The following RGPD8 variants were observed in gnomAD, a reference collection of about 807,000 sequenced individuals.
The protein encoded by RGPD8 is RANBP2 like and GRIP domain containing 8, also known as RANBP2-like and GRIP domain-containing protein 8.
RGPD8 carries 15 observed loss-of-function variants against 89.1 expected under a neutral mutation model. That is an observed-to-expected ratio of 0.17 (90% CI 0.11 to 0.26). The LOEUF is 0.26. Ranked by LOEUF, RGPD8 falls within the 10% of genes least tolerant of loss-of-function variation. RGPD8 has a pLI of 1.00. For missense variants in RGPD8, 178 were observed against 1,179.6 expected (o/e 0.15, Z 12.44); for synonymous variants, 62 against 420.9 (o/e 0.15, Z 10.44).
Position 112,391,078 on chromosome 2 carries a change from A to C in RGPD8, c.2603-9T>G. 4 of 1,589,956 alleles carry C rather than the reference A, an allele frequency of 2.5e-6. No individual in the cohort carries two copies. The highest frequency in any genetic ancestry group is 3.4e-6 in the Non-Finnish European group (4 of 1,177,008). On this transcript the variant is annotated splice_polypyrimidine_tract_variant and intron_variant, in intron 18 of 22. Coordinates refer to ENST00000302558, the MANE Select transcript of RGPD8 (RefSeq NM_001164463.1). Reference sequence around the variant, plus strand: ...AGGGCCAGTAGTTGCAACTGAAAAAAAAAAAAGAAAAGAAAGAAAACACTG... The same window carrying C: ...AGGGCCAGTAGTTGCAACTGAAAAACAAAAAAGAAAAGAAAGAAAACACTG...
At chr2:112,432,387 G>A (rs1352595938) in intron 1 of RGPD8, 33 of 712,396 alleles carry the variant, frequency 4.6e-5, no homozygotes, top group Non-Finnish European at 5.3e-5. Flanking sequence ...GGGGAGGGGG[G>A]CGAGGGAGGT....
intron 1 of RGPD8, among the ~76,000 whole-genome samples, chr2:112,428,710 A>G (rs1679884294): frequency 6.6e-6 from 1 of 152,202 alleles, no homozygotes; most frequent in Non-Finnish European, 1.5e-5. Context: ...CAATCAATCA[A>G]TCAATCAATG....
At position 112,389,956 on chromosome 2, in the gene RGPD8, C is replaced by T; in HGVS notation, c.2989G>A (p.Gly997Ser). Residue 997 changes from glycine (G) to serine (S), a missense_variant, in exon 20 of 23, where the codon GGT (glycine) becomes AGT (serine). By Grantham distance (56) the Gly-to-Ser change is moderately conservative (BLOSUM62 0). Transcript: ENST00000302558. ...KKDLNFKGFS[G>S]AGEKLFSSRY... ...GATGAGAATAATTTTTCTCCAGCACCTGAAAATCCCTTGAAATTGAGGTCT... is the reference window on the plus strand; with the variant it reads ...GATGAGAATAATTTTTCTCCAGCACTTGAAAATCCCTTGAAATTGAGGTCT... 2.0e-6 allele frequency: 3 copies of T among 1,530,432 alleles called. No individual in the cohort carries two copies. Among genetic ancestry groups the T allele is most frequent in the East Asian group, 2.3e-5 (1 of 43,412 alleles). 94.8% of individuals were successfully genotyped at this position (1,530,432 alleles called of 1,614,324 possible). A position where few individuals can be genotyped will look rare whatever the true frequency, so the allele number is the denominator to read the frequency against.
intron 4 of RGPD8, among the ~76,000 whole-genome samples, chr2:112,419,643 T>C (rs1209771371): frequency 6.6e-6 from 1 of 152,150 alleles, no homozygotes. Flanking sequence ...CTTCAAGTTA[T>C]TAAAGAAAAT....
Position 112,371,111 on chromosome 2 carries a change from T to C in RGPD8, c.5264-899A>G, listed in dbSNP as rs868038078. Among the ~76,000 whole-genome samples the C allele has an allele frequency of 1.8e-3, 271 of 150,494 alleles. 1 individual carries two copies. The highest frequency in any genetic ancestry group is 6.1e-3 in the African/African-American group (249 of 40,696). ...TATACAACTTAGAATCTAAAACCAA[T>C]AGATTTATGGGAAACCTTAAAACTG... is the stretch of plus-strand genomic sequence containing the variant. On this transcript the variant is annotated intron_variant, in intron 22 of 22. Transcript: ENST00000302558.
chr2:112,373,934 G>A (rs1469594579), intron 22 of RGPD8, among the ~76,000 whole-genome samples: 19 of 57,836 alleles, frequency 3.3e-4, no homozygotes, highest in African/African-American at 1.2e-3. Context: ...CCAAACTGTT[G>A]GGCTTACAGG....
chr2:112,402,438 C>T (rs1251561823), intron 9 of RGPD8, among the ~76,000 whole-genome samples: 4 of 149,886 alleles, frequency 2.7e-5, no homozygotes, highest in East Asian at 1.9e-4. Flanking sequence ...ACCTGGCAGC[C>T]GAGATTGCGC....
At chr2:112,429,157 A>C (rs1038325090) in intron 1 of RGPD8, among the ~76,000 whole-genome samples, 11 of 151,916 alleles carry the variant, frequency 7.2e-5, no homozygotes, top group African/African-American at 2.7e-4. Flanking sequence ...GCGGTGGCTC[A>C]CGCCTGTAAT....
intron 1 of RGPD8, among the ~76,000 whole-genome samples, chr2:112,431,640 G>GT (rs1558993536): frequency 5.4e-5 from 8 of 149,326 alleles, no homozygotes; most frequent in African/African-American, 1.5e-4. Context: ...GTGAGTTTCT[G>GT]GTTTTTTTTT....
At chr2:112,377,768 A>G (rs1264279669) in intron 22 of RGPD8, among the ~76,000 whole-genome samples, 3 of 140,198 alleles carry the variant, frequency 2.1e-5, no homozygotes, top group African/African-American at 8.0e-5. Flanking sequence ...CGTTCAGCTG[A>G]ACACCAGAAC....
intron 6 of RGPD8, among the ~76,000 whole-genome samples, chr2:112,413,145 G>C: frequency 6.9e-6 from 1 of 145,484 alleles, no homozygotes; most frequent in South Asian, 2.1e-4. Flanking sequence ...TTTTGAGACG[G>C]AGTCTCTCAC....
At chr2:112,411,565 C>G (rs1409482022) in intron 7 of RGPD8, among the ~76,000 whole-genome samples, 83 of 10,246 alleles carry the variant, frequency 8.1e-3, no homozygotes, top group South Asian at 0.029. Context: ...AGCGAGACTG[C>G]GTCTCAAAAA....
In RGPD8 at chr2:112,414,124, A is replaced by G. The variant is rs187081858; in HGVS notation, c.783-1498T>C. 7.9e-4 allele frequency among the ~76,000 whole-genome samples: 117 copies of G among 148,376 alleles called. 10 individuals are homozygous for G. The highest frequency in any genetic ancestry group is 3.0e-3 in the African/African-American group (114 of 38,216). On this transcript the variant is annotated intron_variant, in intron 6 of 22. Transcript: ENST00000302558. ...TAAAAAGATTTACAACAATGCAAAAACAATGACACTTTTCTGACTACTTTT... is the reference window on the plus strand; with the variant it reads ...TAAAAAGATTTACAACAATGCAAAAGCAATGACACTTTTCTGACTACTTTT...
At chr2:112,414,904 CA>C (rs1284632357) in intron 6 of RGPD8, among the ~76,000 whole-genome samples, 1 of 116,622 alleles carries the variant, frequency 8.6e-6, no homozygotes, top group East Asian at 2.6e-4. Context: ...CCTGTAGGCC[CA>C]GCTACTCGGG....
chr2:112,371,983 A>G (rs1677978529), intron 22 of RGPD8, among the ~76,000 whole-genome samples: 1 of 134,238 alleles, frequency 7.4e-6, no homozygotes, highest in Admixed American at 7.8e-5. Context: ...TTAGTACCTT[A>G]ACACATATTT....
chr2:112,431,417 G>A (rs1283955853), intron 1 of RGPD8, among the ~76,000 whole-genome samples: 1 of 152,134 alleles, frequency 6.6e-6, no homozygotes, highest in East Asian at 1.9e-4. Context: ...TTCTCTGGAG[G>A]AATAGACTGT....
chr2:112,413,439 T>C (rs1679264472), intron 6 of RGPD8, among the ~76,000 whole-genome samples: 1 of 116,514 alleles, frequency 8.6e-6, no homozygotes, highest in South Asian at 3.0e-4. Context: ...TTGTAATCTA[T>C]ATTCTAAATT....
At chr2:112,426,822 C>A (rs1051956061) in intron 1 of RGPD8, among the ~76,000 whole-genome samples, 6 of 146,434 alleles carry the variant, frequency 4.1e-5, no homozygotes, top group African/African-American at 1.5e-4. Flanking sequence ...CCTGTTCCCC[C>A]CTTCCTTTTT....
At chr2:112,408,469 TA>T (rs1263437581) in intron 7 of RGPD8, among the ~76,000 whole-genome samples, 7 of 136,430 alleles carry the variant, frequency 5.1e-5, no homozygotes, top group African/African-American at 1.9e-4. Flanking sequence ...ACAAGTTTTC[TA>T]AACATCATGT....
Sources: allele counts gnomAD v4.1 joint callset (sites outside exome capture counted in the v4.1 genomes callset), GRCh38; gene constraint gnomAD v4.1.1; transcripts MANE v1.5; gene names NCBI Gene and HGNC (gene_info 2026-07-23, HGNC 2026-07-21).